Variants in CLSPN observed in about 807,000 individuals in gnomAD.
CLSPN encodes the protein claspin homolog.
In CLSPN, 85 loss-of-function variants were observed where a neutral mutation model predicts 156.3. The observed-to-expected ratio is 0.54, with a 90% CI of 0.46 to 0.65. The LOEUF is 0.65. Ranked by LOEUF, CLSPN falls within the 30% of genes least tolerant of loss-of-function variation. The pLI, the probability that CLSPN is intolerant of heterozygous loss-of-function variation, is 0.00. For synonymous variants in CLSPN, 534 were observed against 542.4 expected (o/e 0.98, Z 0.22); for missense variants, 1,407 against 1,554.9 (o/e 0.90, Z 1.60).
chr1:35,763,210 A>C lies in CLSPN; in HGVS notation c.694T>G (p.Ser232Ala). The C allele has an allele frequency of 6.2e-7, 1 of 1,604,836 alleles. No homozygotes were observed. The highest frequency in any genetic ancestry group is 8.5e-7 in the Non-Finnish European group (1 of 1,177,196). ...ENNSPLEDEE[S>A]LESIRAAVKN... ...ACAGCTGCTCTTATTGATTCTAATG[A>C]CTCTTCATCTTCCAATGGAGAGTTA... Residue 232 changes from serine (S) to alanine (A), a missense_variant, in exon 4 of 25, where the codon TCA (serine) becomes GCA (alanine). Ser to Ala is a moderately conservative substitution (Grantham distance 99). Coordinates refer to ENST00000318121, the MANE Select transcript of CLSPN (RefSeq NM_022111.4).
rs1359918159 is a variant in CLSPN at position 35,739,188 on chromosome 1, A to G, written c.3378T>C (p.Asp1126=). 1 of 1,614,054 alleles carries G rather than the reference A, an allele frequency of 6.2e-7. No individual in the cohort carries two copies. The highest frequency in any genetic ancestry group is 8.5e-7 in the Non-Finnish European group (1 of 1,180,034). The change falls in exon 20 of 25, where the codon GAT becomes GAC. Residue 1126 remains aspartate, a synonymous_variant. Coordinates refer to ENST00000318121, the MANE Select transcript of CLSPN (RefSeq NM_022111.4). ...TTCGCCCAGGACCATCGCTGTGCAGATCCCCATCAGCAAGGTACCTCTCTT... is the reference window on the plus strand; with the variant it reads ...TTCGCCCAGGACCATCGCTGTGCAGGTCCCCATCAGCAAGGTACCTCTCTT... The part of the protein sequence containing the change: ...LYQERYLADG[D]LHSDGPGRMR...
In CLSPN at chr1:35,734,846, C is replaced by T. The variant is rs1641413189; in HGVS notation, c.*1650G>A. The T allele has an allele frequency of 1.0e-5, 10 of 985,294 alleles. No individual in the cohort carries two copies. Among genetic ancestry groups the T allele is most frequent in the Non-Finnish European group, 1.1e-5 (9 of 829,938 alleles). The allele number at this position is 985,294 out of a possible 1,614,324, so 61.0% of individuals were successfully genotyped here. A position where few individuals can be genotyped will look rare whatever the true frequency, so the allele number is the denominator to read the frequency against. On this transcript the variant is annotated 3_prime_UTR_variant, in exon 25 of 25. Coordinates refer to ENST00000318121, the MANE Select transcript of CLSPN (RefSeq NM_022111.4). ...CAAGTACAGGTCCTGACACTGAAACCACAGTATTCACATGGAATGTTTTTC... is the reference window on the plus strand; with the variant it reads ...CAAGTACAGGTCCTGACACTGAAACTACAGTATTCACATGGAATGTTTTTC...
intron 8 of CLSPN, among the ~76,000 whole-genome samples, chr1:35,757,185 C>G (rs984628801): frequency 6.6e-6 from 1 of 152,292 alleles, no homozygotes; most frequent in Admixed American, 6.5e-5. Flanking sequence ...GTTCCCAATG[C>G]ACCCTCAATT....
intron 21 of CLSPN, among the ~76,000 whole-genome samples, 171 bp from the exon 22 acceptor site, chr1:35,738,268 A>T (rs990066504): frequency 1.3e-5 from 2 of 152,122 alleles, no homozygotes; most frequent in Non-Finnish European, 2.9e-5. Flanking sequence ...TTAATCTTAG[A>T]CAAACATGAA....
intron 10 of CLSPN, among the ~76,000 whole-genome samples, chr1:35,750,014 C>A (rs974450842): frequency 1.4e-5 from 2 of 139,352 alleles, no homozygotes; most frequent in African/African-American, 2.6e-5. Context: ...TTTTTTTTTA[C>A]CTTCTACCCT....
Position 35,749,470 on chromosome 1 carries a change from G to T in CLSPN, c.2269C>A (p.Leu757Met). 3 of 1,613,976 alleles carry T rather than the reference G, an allele frequency of 1.9e-6. No individual in the cohort carries two copies. Among genetic ancestry groups the T allele is most frequent in the Non-Finnish European group, 2.5e-6 (3 of 1,179,892 alleles). ...DENSGKQPSKLDEDDSCSLLT... is the reference protein window; with the variant it reads ...DENSGKQPSKMDEDDSCSLLT... ...CTGCACAAGAATCACTACTTACCCA[G>T]TTTGCTAGGCTGCTTGCCTGAGTTT... Residue 757 changes from leucine to methionine, a missense_variant, in exon 12 of 25, where the codon CTG (leucine) becomes ATG (methionine). This residue lies in a region of CLSPN where 1,096 missense variants were observed against 1,193.0 expected (regional missense o/e 0.92). Transcript: ENST00000318121.
Position 35,748,489 on chromosome 1 carries a change from C to T in CLSPN, c.2388G>A (p.Gly796=). The change falls in exon 13 of 25, where the codon GGG becomes GGA. Residue 796 remains glycine, a synonymous_variant. Coordinates refer to ENST00000318121, the MANE Select transcript of CLSPN (RefSeq NM_022111.4). ...CTCCTGCTGTAGGGAAAAAACTGGT[C>T]CCACGGCCTGTTTGTCTGTTGCAAG... ...YQPCNRQTGR[G]TSFFPTAGGF... is the part of the protein sequence containing the mutation. 1.9e-6 allele frequency: 3 copies of T among 1,614,098 alleles called. No individual in the cohort carries two copies. Among genetic ancestry groups the T allele is most frequent in the Non-Finnish European group, 1.7e-6 (2 of 1,179,984 alleles).
chr1:35,761,949 T>C (rs778288132), intron 6 of CLSPN, 49 bp downstream of exon 6: 1 of 1,287,922 alleles, frequency 7.8e-7, no homozygotes, highest in Non-Finnish European at 1.1e-6. Context: ...AAGTTGAGCT[T>C]ACAAAGAAAT....
intron 1 of CLSPN, among the ~76,000 whole-genome samples, chr1:35,766,880 G>A (rs914753048): frequency 9.2e-5 from 14 of 151,680 alleles, no homozygotes; most frequent in East Asian, 7.8e-4. Context: ...TCAGCCTCCC[G>A]AGTAGCTGGG....
chr1:35,732,057 C>T, downstream of CLSPN: 1 of 725,480 alleles, frequency 1.4e-6, no homozygotes, highest in South Asian at 6.2e-5. Context: ...CTGAAGCCCC[C>T]CAGCAACTCT....
In CLSPN at chr1:35,742,349, T is replaced by A. The variant is rs368925692; in HGVS notation, c.3143+792A>T. ...TCCTTCAACTGTAAAATGAGGAGAA[T>A]AATAGTACCCACTCATAAGATAATT... On this transcript the variant is annotated intron_variant, in intron 18 of 24. Transcript: ENST00000318121. 5.8e-3 allele frequency among the ~76,000 whole-genome samples: 877 copies of A among 152,214 alleles called. 3 individuals carry two copies. The highest frequency in any genetic ancestry group is 0.01 in the Non-Finnish European group (698 of 68,002).
At chr1:35,749,961 T>A (rs1642025697) in intron 10 of CLSPN, 150 bp from the exon 11 acceptor site, 2 of 908,206 alleles carry the variant, frequency 2.2e-6, no homozygotes, top group Non-Finnish European at 3.2e-6. Context: ...ATGACCATTA[T>A]CAACATAATT....
rs1228878969 is a variant in CLSPN, at chr1:35,736,090, T to C, written c.*406A>G. ...AAAATTAGCTGGGCGTATTGGCACA[T>C]GCCTGTAATCCCAGCTACTCGGGAG... On this transcript the variant is annotated 3_prime_UTR_variant, in exon 25 of 25. Coordinates refer to ENST00000318121, the MANE Select transcript of CLSPN (RefSeq NM_022111.4). The C allele has an allele frequency of 9.4e-6, 5 of 532,252 alleles. No homozygotes were observed. Among genetic ancestry groups the C allele is most frequent in the African/African-American group, 2.1e-5 (1 of 48,214 alleles). The allele number at this position is 532,252 out of a possible 1,614,324, so 33.0% of individuals were successfully genotyped here.
downstream of CLSPN, among the ~76,000 whole-genome samples, chr1:35,731,241 A>C (rs535282587): frequency 1.8e-4 from 28 of 152,052 alleles, no homozygotes; most frequent in African/African-American, 1.9e-4. Flanking sequence ...AAGGGGTGTT[A>C]ATGGTCAGAG....
In CLSPN at chr1:35,735,753, G is replaced by T. The variant is rs1233720476; in HGVS notation, c.*743C>A. 5.1e-6 allele frequency: 5 copies of T among 984,748 alleles called. No homozygotes were observed. The allele number at this position is 984,748 out of a possible 1,614,324, so 61.0% of individuals were successfully genotyped here. On this transcript the variant is annotated 3_prime_UTR_variant, in exon 25 of 25. Coordinates refer to ENST00000318121, the MANE Select transcript of CLSPN (RefSeq NM_022111.4). ...CTTTCACCGAGCCCTGGTCATCATG[G>T]TACGTATCTCATGGGTGTAAAGGAG...
chr1:35,761,870 A>T, intron 6 of CLSPN, 128 bp downstream of exon 6: 1 of 651,270 alleles, frequency 1.5e-6, no homozygotes, highest in South Asian at 2.0e-5. Context: ...ACCAAGATCA[A>T]TTCTAAACTT....
In CLSPN at chr1:35,734,469, C is replaced by G. The variant is rs1053642706; in HGVS notation, c.*2027G>C. 1.6e-5 allele frequency: 10 copies of G among 632,616 alleles called. No homozygotes were observed. The highest frequency in any genetic ancestry group is 1.6e-5 in the Non-Finnish European group (8 of 508,048). 39.2% of individuals were successfully genotyped at this position (632,616 alleles called of 1,614,324 possible). On this transcript the variant is annotated 3_prime_UTR_variant, in exon 25 of 25. Coordinates refer to ENST00000318121, the MANE Select transcript of CLSPN (RefSeq NM_022111.4). The stretch of plus-strand genomic sequence containing the variant: ...CCGAGACGGGTGGATCACCTCAGGT[C>G]AGGAGTTCAAGACCAGCCTGGCCAA...
At chr1:35,751,810 T>C (rs1398213962) in intron 9 of CLSPN, among the ~76,000 whole-genome samples, 2 of 152,052 alleles carry the variant, frequency 1.3e-5, no homozygotes, top group Non-Finnish European at 2.9e-5. Flanking sequence ...CATTGATAAA[T>C]TTACCTATAT....
chr1:35,768,316 C>G (rs964793497), intron 1 of CLSPN, among the ~76,000 whole-genome samples: 1 of 151,648 alleles, frequency 6.6e-6, no homozygotes, highest in Non-Finnish European at 1.5e-5. Context: ...TGCAGTGAGC[C>G]GAGATTGTGC....
Sources: allele counts gnomAD v4.1 joint callset (sites outside exome capture counted in the v4.1 genomes callset), GRCh38; gene constraint gnomAD v4.1.1; regional missense constraint gnomAD v4.1.1; transcripts MANE v1.5; gene names NCBI Gene and HGNC (gene_info 2026-07-23, HGNC 2026-07-21).